CBLN2: variants seen among roughly 807,000 people sequenced by gnomAD.
CBLN2 encodes the protein cerebellin-2.
Under a neutral mutation model 15.0 loss-of-function variants are expected in CBLN2, and 7 were observed. The ratio of observed to expected loss-of-function variants is 0.47; its 90% CI spans 0.27 to 0.88. The LOEUF is 0.88. Ranked by LOEUF, CBLN2 falls within the 40% of genes least tolerant of loss-of-function variation. The probability of loss-of-function intolerance (pLI) is 0.14; values close to 1 mark genes in which losing one functional copy is unlikely to be tolerated. For missense variants in CBLN2, 242 were observed against 304.5 expected (o/e 0.79, Z 1.53); for synonymous variants, 149 against 135.2 (o/e 1.10, Z -0.71).
intron 1 of CBLN2, among the ~76,000 whole-genome samples, chr18:72,601,802 A>C (rs980101741): frequency 5.3e-5 from 8 of 152,154 alleles, no homozygotes; most frequent in African/African-American, 1.9e-4. Context: ...TCCAGCGCTC[A>C]CTGGTGCTCC....
chr18:72,549,302 G>A (rs763890408), upstream of CBLN2, among the ~76,000 whole-genome samples: 1 of 152,210 alleles, frequency 6.6e-6, no homozygotes, highest in Admixed American at 6.5e-5. Flanking sequence ...GTGAGCCAAC[G>A]TGGCCAGCAA....
intron 1 of CBLN2, among the ~76,000 whole-genome samples, chr18:72,572,136 G>C (rs2069336269): frequency 6.6e-6 from 1 of 152,022 alleles, no homozygotes; most frequent in South Asian, 2.1e-4. Context: ...AATTTCAGCT[G>C]GTCATTCCTC....
chr18:72,601,379 G>T (rs575554013), intron 1 of CBLN2, among the ~76,000 whole-genome samples: 8 of 152,110 alleles, frequency 5.3e-5, no homozygotes, highest in Non-Finnish European at 1.0e-4. Context: ...ATTCTCTCAG[G>T]TAGATAGAAA....
chr18:72,542,046 G>T lies in CBLN2; in HGVS notation c.115C>A (p.Leu39Met). Residue 39 changes from leucine (L) to methionine (M), a missense_variant, in exon 3 of 5, where the codon CTG (leucine) becomes ATG (methionine). This residue lies in a region of CBLN2 where 96 missense variants were observed against 83.8 expected (regional missense o/e 1.15). Coordinates refer to ENST00000269503, the MANE Select transcript of CBLN2 (RefSeq NM_182511.4). ...GSCLGVALAL[L>M]LLLLPACCPV... ...CAGCAGGCGGGCAGTAGCAGCAACA[G>T]CAGGGCCAGCGCCACCCCCAGGCAG... 1 of 1,588,422 alleles carries T rather than the reference G, an allele frequency of 6.3e-7. No homozygotes were observed. The highest frequency in any genetic ancestry group is 8.5e-7 in the Non-Finnish European group (1 of 1,176,012).
intron 1 of CBLN2, among the ~76,000 whole-genome samples, chr18:72,590,020 C>A (rs982221810): frequency 2.0e-5 from 3 of 152,204 alleles, no homozygotes; most frequent in Non-Finnish European, 4.4e-5. Context: ...GTAATCCCAG[C>A]ACTTTGGGAG....
chr18:72,550,668 AAC>A (rs2069186342), intron 1 of CBLN2, among the ~76,000 whole-genome samples: 1 of 152,078 alleles, frequency 6.6e-6, no homozygotes, highest in South Asian at 2.1e-4. Flanking sequence ...AAAATAACAT[AAC>A]ACACATTGCC....
chr18:72,546,748 A>G (rs2069160954), upstream of CBLN2, among the ~76,000 whole-genome samples: 1 of 152,190 alleles, frequency 6.6e-6, no homozygotes, highest in Non-Finnish European at 1.5e-5. Flanking sequence ...CCCTGTGGTA[A>G]AGACAGGTGT....
intron 1 of CBLN2, among the ~76,000 whole-genome samples, chr18:72,553,346 G>A (rs909003066): frequency 1.3e-5 from 2 of 152,140 alleles, no homozygotes; most frequent in African/African-American, 4.8e-5. Flanking sequence ...GTCAATGAGG[G>A]AAGGAGCGAT....
At position 72,538,721 on chromosome 18, in the gene CBLN2, C is replaced by T; in HGVS notation, c.409G>A (p.Ala137Thr). 1.2e-6 allele frequency: 2 copies of T among 1,613,922 alleles called. No individual in the cohort carries two copies. The highest frequency in any genetic ancestry group is 1.7e-6 in the Non-Finnish European group (2 of 1,179,996). ...AAGCTATAAATCCCTTTTCTCGGTG[C>T]TACAAATATACTGGAAGCAAGATCA... Reference protein sequence around the residue: ...HFDLASSIFVAPRKGIYSFSF... With the variant: ...HFDLASSIFVTPRKGIYSFSF... Residue 137 changes from alanine to threonine, a missense_variant, in exon 4 of 5, where the codon GCA becomes ACA. Ala to Thr is a moderately conservative substitution (Grantham distance 58). Transcript: ENST00000269503.
chr18:72,618,990 TG>T (rs1167528971), intron 1 of CBLN2: 2 of 766,170 alleles, frequency 2.6e-6, no homozygotes, highest in Non-Finnish European at 4.7e-6. Context: ...GCAGCGGGGA[TG>T]GTCATCATGG....
intron 1 of CBLN2, among the ~76,000 whole-genome samples, chr18:72,557,142 CAAAT>C (rs1200805434): frequency 6.6e-6 from 1 of 151,824 alleles, no homozygotes; most frequent in African/African-American, 2.4e-5. Context: ...AAAAATATGA[CAAAT>C]ACAGTATATG....
chr18:72,567,260 T>G lies in CBLN2; in HGVS notation c.16-28488A>C, dbSNP rs182356865. Among the ~76,000 whole-genome samples, 554 of 152,266 alleles carry G rather than the reference T, an allele frequency of 3.6e-3. 3 individuals are homozygous for G. Among genetic ancestry groups the G allele is most frequent in the Middle Eastern group, 0.01 (3 of 294 alleles). On this transcript the variant is annotated intron_variant, in intron 1 of 2. Transcript: ENST00000581073. ...ATCACATGTCAATCAAAAATAATAA[T>G]AAGAAGAACTAAACTAGGATATTTC...
intron 1 of CBLN2, among the ~76,000 whole-genome samples, chr18:72,578,646 CCTTATTACCAAGCTATTGAAGT>C (rs927704303): frequency 6.6e-6 from 1 of 152,060 alleles, no homozygotes; most frequent in Non-Finnish European, 1.5e-5. Flanking sequence ...TTGTGTAAAT[CCTTATTACCAAGCTATTGAAGT>C]CTTATTACCA....
chr18:72,541,921 GGAGGTGACGGC>G lies in CBLN2; in HGVS notation c.229_239del (p.Ala77LeufsTer49). 1.2e-6 allele frequency: 2 copies of G among 1,608,486 alleles called. No homozygotes were observed. The highest frequency in any genetic ancestry group is 1.7e-6 in the Non-Finnish European group (2 of 1,179,520). On this transcript the variant is annotated frameshift_variant, in exon 3 of 5. Coordinates refer to ENST00000269503, the MANE Select transcript of CBLN2 (RefSeq NM_182511.4). LOFTEE classifies it high-confidence loss of function. ...CGGAGCGCACGGAGATGCCTAGGGAGGAGGTGACGGCGCCGTCCGCCGACGGGCTGGAGTCG... is the reference window on the plus strand; with the variant it reads ...CGGAGCGCACGGAGATGCCTAGGGAGGCCGTCCGCCGACGGGCTGGAGTCG...
intron 3 of CBLN2, chr18:72,539,331 G>A (rs2144860310): frequency 6.5e-6 from 1 of 153,230 alleles, no homozygotes; most frequent in East Asian, 1.9e-4. Context: ...TGGTCTCTGT[G>A]AGGTTTGGAT....
At chr18:72,615,837 A>G (rs370408086) in intron 1 of CBLN2, among the ~76,000 whole-genome samples, 4 of 152,198 alleles carry the variant, frequency 2.6e-5, no homozygotes, top group African/African-American at 9.6e-5. Flanking sequence ...GCTCACTTTC[A>G]GGGACTGAAT....
At chr18:72,609,184 G>T (rs2069604364) in intron 1 of CBLN2, among the ~76,000 whole-genome samples, 1 of 152,136 alleles carries the variant, frequency 6.6e-6, no homozygotes. Context: ...TAATGCATTT[G>T]CATAAATAAA....
At chr18:72,636,651 A>T (rs1251843465) in intron 1 of CBLN2, among the ~76,000 whole-genome samples, 2 of 152,202 alleles carry the variant, frequency 1.3e-5, no homozygotes, top group East Asian at 1.9e-4. Flanking sequence ...CTTCAAAAGC[A>T]ATAGATAACA....
intron 1 of CBLN2, among the ~76,000 whole-genome samples, chr18:72,615,070 T>A (rs1212719106): frequency 7.2e-6 from 1 of 138,172 alleles, no homozygotes; most frequent in African/African-American, 2.7e-5. Context: ...TATATATATT[T>A]ATATATTATA....
Sources: allele counts gnomAD v4.1 joint callset (sites outside exome capture counted in the v4.1 genomes callset), GRCh38; gene constraint gnomAD v4.1.1; regional missense constraint gnomAD v4.1.1; transcripts MANE v1.5; gene names NCBI Gene and HGNC (gene_info 2026-07-23, HGNC 2026-07-21).